R3HDM2: variants seen among roughly 807,000 people sequenced by gnomAD.
The protein encoded by R3HDM2 is R3H domain-containing protein 2.
Under a neutral mutation model 124.5 loss-of-function variants are expected in R3HDM2, and 38 were observed. That is an observed-to-expected ratio of 0.31 (90% CI 0.24 to 0.40). R3HDM2 has a LOEUF of 0.40. Among genes scored for constraint, R3HDM2 ranks in the 10% least tolerant of loss-of-function variants. The probability of loss-of-function intolerance (pLI) is 1.00; values close to 1 mark genes in which losing one functional copy is unlikely to be tolerated. For missense variants in R3HDM2, 869 were observed against 1,236.9 expected, an observed-to-expected ratio of 0.70 and a Z score of 4.46; for synonymous variants, 391 against 448.0, an observed-to-expected ratio of 0.87 and a Z score of 1.61.
At chr12:57,332,656 C>T (rs1188938828) in intron 2 of R3HDM2, among the ~76,000 whole-genome samples, 1 of 152,150 alleles carries the variant, frequency 6.6e-6, no homozygotes, top group African/African-American at 2.4e-5. Context: ...GAGATTCAAG[C>T]TTATAACCTG....
chr12:57,269,578 C>T, intron 15 of R3HDM2, 129 bp from the exon 16 acceptor site: 2 of 1,456,380 alleles, frequency 1.4e-6, no homozygotes, highest in Non-Finnish European at 9.3e-7. Context: ...CCTGCAATTG[C>T]AGTAAAACAA....
At chr12:57,340,314 T>G (rs1179664644) in intron 2 of R3HDM2, among the ~76,000 whole-genome samples, 1 of 152,200 alleles carries the variant, frequency 6.6e-6, no homozygotes, top group Non-Finnish European at 1.5e-5. Flanking sequence ...TTAATGAGGG[T>G]TGTCCACCAC....
At chr12:57,348,343 A>G (rs545000859) in intron 2 of R3HDM2, among the ~76,000 whole-genome samples, 33 of 151,906 alleles carry the variant, frequency 2.2e-4, no homozygotes, top group African/African-American at 7.7e-4. Flanking sequence ...AAGGCAGGAG[A>G]AGCACTTGAG....
At chr12:57,276,334 T>C (rs1197537820) in intron 14 of R3HDM2, among the ~76,000 whole-genome samples, 1 of 152,136 alleles carries the variant, frequency 6.6e-6, no homozygotes, top group Non-Finnish European at 1.5e-5. Context: ...TGCATGTTTA[T>C]AGCAGCACGA....
At chr12:57,266,854 A>G in intron 18 of R3HDM2, 23 bp from the exon 19 acceptor site, 1 of 1,511,094 alleles carries the variant, frequency 6.6e-7, no homozygotes, top group Non-Finnish European at 9.1e-7. Context: ...AGAAGAGAGG[A>G]GTGGTGAAGC....
chr12:57,278,980 A>G (rs1009466761), intron 14 of R3HDM2, among the ~76,000 whole-genome samples: 4 of 152,070 alleles, frequency 2.6e-5, no homozygotes, highest in African/African-American at 9.7e-5. Flanking sequence ...CTGGACTAAT[A>G]AGCAGAGGGA....
At chr12:57,377,076 C>T (rs1018223826) in intron 2 of R3HDM2, among the ~76,000 whole-genome samples, 5 of 13,440 alleles carry the variant, frequency 3.7e-4, no homozygotes, top group African/African-American at 6.0e-4. Context: ...CTTGGGTCCA[C>T]GCTAAATAAA....
At chr12:57,406,225 G>A (rs1238619730) in intron 1 of R3HDM2, among the ~76,000 whole-genome samples, 5 of 151,406 alleles carry the variant, frequency 3.3e-5, no homozygotes, top group African/African-American at 9.7e-5. Flanking sequence ...GGAGGCTGAG[G>A]CAGGAGAATC....
At chr12:57,414,157 CT>C (rs966758167) in intron 1 of R3HDM2, among the ~76,000 whole-genome samples, 1 of 150,342 alleles carries the variant, frequency 6.7e-6, no homozygotes, top group Non-Finnish European at 1.5e-5. Flanking sequence ...CCCACTCTAT[CT>C]TTTTTTTACT....
At chr12:57,368,313 G>A (rs1817090933) in intron 2 of R3HDM2, among the ~76,000 whole-genome samples, 1 of 152,028 alleles carries the variant, frequency 6.6e-6, no homozygotes, top group Non-Finnish European at 1.5e-5. Context: ...CTCTTAGTTA[G>A]GCCTAACACT....
At chr12:57,316,751 ATTTTT>A (rs778925176) in intron 2 of R3HDM2, among the ~76,000 whole-genome samples, 1 of 132,666 alleles carries the variant, frequency 7.5e-6, no homozygotes, top group African/African-American at 2.8e-5. Context: ...ACGCCCAGCT[ATTTTT>A]TTTTTTTTTT....
chr12:57,410,215 C>T (rs770374763), intron 1 of R3HDM2, among the ~76,000 whole-genome samples: 19 of 150,204 alleles, frequency 1.3e-4, no homozygotes, highest in Non-Finnish European at 2.8e-4. Context: ...AAATGAATTA[C>T]TCAACATAAC....
intron 4 of R3HDM2, among the ~76,000 whole-genome samples, chr12:57,301,991 A>C (rs543324964): frequency 1.1e-3 from 173 of 152,322 alleles, no homozygotes; most frequent in Non-Finnish European, 3.1e-4. Flanking sequence ...AAAGTAAAGC[A>C]TTAGGTTAGC....
chr12:57,310,128 T>C lies in R3HDM2; in HGVS notation c.165+136A>G. On this transcript the variant is annotated intron_variant, in intron 3 of 23. Transcript: ENST00000402412. The stretch of plus-strand genomic sequence containing the variant: ...TGGGAGGCTGACGTGGGAGGATCTC[T>C]TGATGCAGGAGTTTGAGGGTGCAGT... 5.6e-6 allele frequency: 3 copies of C among 538,414 alleles called. No individual in the cohort carries two copies. The Middle Eastern group carries it at 8.5e-4, about 153-fold the overall frequency. 33.4% of individuals were successfully genotyped at this position (538,414 alleles called of 1,614,324 possible).
intron 3 of R3HDM2, among the ~76,000 whole-genome samples, chr12:57,306,700 G>A (rs191665089): frequency 3.9e-5 from 6 of 151,952 alleles, no homozygotes; most frequent in South Asian, 2.1e-4. Context: ...GAGCCACCGC[G>A]CCTGGCCTCC....
chr12:57,409,230 A>C (rs2139235339), intron 1 of R3HDM2, among the ~76,000 whole-genome samples: 1 of 152,100 alleles, frequency 6.6e-6, no homozygotes, highest in East Asian at 1.9e-4. Flanking sequence ...ATTCTTCCTT[A>C]TCACCCCAAT....
intron 3 of R3HDM2, among the ~76,000 whole-genome samples, chr12:57,309,462 C>A (rs560812893): frequency 3.3e-5 from 5 of 152,326 alleles, no homozygotes; most frequent in African/African-American, 9.6e-5. Context: ...CTACTACCAT[C>A]ATTTCTGTAC....
intron 1 of R3HDM2, among the ~76,000 whole-genome samples, chr12:57,398,550 G>A (rs975350854): frequency 4.6e-5 from 7 of 151,202 alleles, no homozygotes; most frequent in Non-Finnish European, 8.8e-5. Flanking sequence ...GTGCAGTGGC[G>A]TGATCTCGGC....
chr12:57,276,265 C>T (rs1036105353), intron 14 of R3HDM2, among the ~76,000 whole-genome samples: 3 of 150,596 alleles, frequency 2.0e-5, no homozygotes, highest in Middle Eastern at 3.4e-3. Flanking sequence ...TCAGGAATCC[C>T]ACAACTGGGT....
Sources: gnomAD v4.1 joint callset for allele counts (sites outside exome capture counted in the v4.1 genomes callset) on GRCh38, gnomAD v4.1.1 for gene constraint, MANE v1.5 for transcripts, NCBI Gene and HGNC (gene_info 2026-07-23, HGNC 2026-07-21) for gene names.